TTC7B: variants seen among roughly 807,000 people sequenced by gnomAD.
TTC7B encodes the protein tetratricopeptide repeat domain 7B.
Under a neutral mutation model 106.8 loss-of-function variants are expected in TTC7B, and 28 were observed. The observed-to-expected ratio is 0.26, with a 90% CI of 0.19 to 0.36. TTC7B has a LOEUF of 0.36. Ranked by LOEUF, TTC7B falls within the 10% of genes least tolerant of loss-of-function variation. The probability of loss-of-function intolerance (pLI) is 1.00; values close to 1 mark genes in which losing one functional copy is unlikely to be tolerated. For missense variants in TTC7B, 862 were observed against 1,076.4 expected (o/e 0.80, Z 2.79); for synonymous variants, 405 against 430.6 (o/e 0.94, Z 0.74).
chr14:90,577,955 C>T lies in TTC7B; in HGVS notation c.2310+151G>A. 1 of 959,678 alleles carries T rather than the reference C, an allele frequency of 1.0e-6. No individual in the cohort carries two copies. Among genetic ancestry groups the T allele is most frequent in the South Asian group, 1.6e-5 (1 of 61,528 alleles). The allele number at this position is 959,678 out of a possible 1,614,324, so 59.4% of individuals were successfully genotyped here. ...TGCATAAACTATGGTAGAAACGGTG[C>T]CCTCTGGCTTCAGGCCATGTGACAG... On this transcript the variant is annotated intron_variant, in intron 19 of 19. Transcript: ENST00000328459. The surrounding 1 kb of genome is among the most constrained non-coding windows in gnomAD (Gnocchi z 5.0).
At position 90,578,365 on chromosome 14, in the gene TTC7B, G is replaced by T; in HGVS notation, c.2108-57C>A. 1 of 1,545,378 alleles carries T rather than the reference G, an allele frequency of 6.5e-7. No individual in the cohort carries two copies. The highest frequency in any genetic ancestry group is 8.8e-7 in the Non-Finnish European group (1 of 1,132,288). On this transcript the variant is annotated intron_variant, in intron 18 of 19. Coordinates refer to ENST00000328459, the MANE Select transcript of TTC7B (RefSeq NM_001010854.2). The surrounding 1 kb of genome is among the most constrained non-coding windows in gnomAD (Gnocchi z 4.7). ...CTGGTGCCCCTCTGAGGCCCTGCGA[G>T]CAGCCACCACTCTGATGTTCGTGTT... is the stretch of plus-strand genomic sequence containing the variant.
intron 19 of TTC7B, among the ~76,000 whole-genome samples, chr14:90,572,945 A>G (rs770052421): frequency 1.3e-5 from 2 of 151,594 alleles, no homozygotes; most frequent in Non-Finnish European, 2.9e-5. Context: ...CCTCAGCCCA[A>G]CCCCTAGCCA....
intron 9 of TTC7B, among the ~76,000 whole-genome samples, chr14:90,659,232 A>T (rs74081266): frequency 0.054 from 6,888 of 128,456 alleles, 467 homozygotes; most frequent in African/African-American, 0.18. Context: ...TGTGTGTGTG[A>T]GAGAGAGAGA....
intron 5 of TTC7B, among the ~76,000 whole-genome samples, chr14:90,697,076 G>T (rs1887782504): frequency 6.6e-6 from 1 of 152,170 alleles, no homozygotes; most frequent in South Asian, 2.1e-4. Context: ...ACTCCTACTG[G>T]GTACAGAAGG....
At chr14:90,717,937 C>G (rs577620223) in intron 5 of TTC7B, among the ~76,000 whole-genome samples, 5 of 152,338 alleles carry the variant, frequency 3.3e-5, no homozygotes, top group Admixed American at 2.0e-4. Flanking sequence ...ATTACCAAGA[C>G]AGCTCCCCAC....
chr14:90,600,330 C>T lies in TTC7B; in HGVS notation c.1967-6704G>A, dbSNP rs1396024800. Among the ~76,000 whole-genome samples the T allele has an allele frequency of 6.6e-6, 1 of 152,238 alleles. No homozygotes were observed. The highest frequency in any genetic ancestry group is 1.5e-5 in the Non-Finnish European group (1 of 68,050). On this transcript the variant is annotated intron_variant, in intron 17 of 19. Transcript: ENST00000328459. This position sits in a 1 kb window ranked among gnomAD's most constrained non-coding sequence, Gnocchi z 4.3. ...TGCACCGCGCTGTCACAGCTCTCCT[C>T]TCCATCTGCTGCTTCCCTGGGAGCT...
chr14:90,561,170 T>A (rs1379822272), intron 19 of TTC7B, among the ~76,000 whole-genome samples: 1 of 152,186 alleles, frequency 6.6e-6, no homozygotes, highest in African/African-American at 2.4e-5. Context: ...GTGGGCATGC[T>A]CCGCTCCTCT....
At chr14:90,636,184 G>T (rs1373636262) in intron 15 of TTC7B, among the ~76,000 whole-genome samples, 1 of 151,502 alleles carries the variant, frequency 6.6e-6, no homozygotes, top group African/African-American at 2.4e-5. Flanking sequence ...ATGTGTATAT[G>T]TATACATGTG....
intron 19 of TTC7B, among the ~76,000 whole-genome samples, chr14:90,554,382 C>A (rs1187937247): frequency 2.0e-5 from 3 of 152,204 alleles, no homozygotes; most frequent in Non-Finnish European, 2.9e-5. Context: ...AGTGTCCTGC[C>A]AAGAGCACGG....
At chr14:90,652,606 CTT>C (rs1885775196) in intron 13 of TTC7B, among the ~76,000 whole-genome samples, 1 of 151,986 alleles carries the variant, frequency 6.6e-6, no homozygotes, top group Admixed American at 6.6e-5. Flanking sequence ...GCTGAAATCA[CTT>C]TATTAGGAAT....
chr14:90,750,509 T>G (rs1032889922), intron 3 of TTC7B, among the ~76,000 whole-genome samples: 1 of 152,216 alleles, frequency 6.6e-6, no homozygotes, highest in Non-Finnish European at 1.5e-5. Flanking sequence ...ATCATGTTCT[T>G]AAAATACTTG....
chr14:90,657,455 C>T lies in TTC7B; in HGVS notation c.1237-177G>A. 1 of 566,248 alleles carries T rather than the reference C, an allele frequency of 1.8e-6. No homozygotes were observed. Among genetic ancestry groups the T allele is most frequent in the Non-Finnish European group, 3.1e-6 (1 of 319,098 alleles). 35.1% of individuals were successfully genotyped at this position (566,248 alleles called of 1,614,324 possible). A position where few individuals can be genotyped will look rare whatever the true frequency, so the allele number is the denominator to read the frequency against. ...ACCAGAGCCTGCGGCTTCTGAGTGACTGGGGAGTACACTGGGTTAAAAGCC... is the reference window on the plus strand; with the variant it reads ...ACCAGAGCCTGCGGCTTCTGAGTGATTGGGGAGTACACTGGGTTAAAAGCC... On this transcript the variant is annotated intron_variant, in intron 10 of 19. Transcript: ENST00000328459. This position sits in a 1 kb window ranked among gnomAD's most constrained non-coding sequence, Gnocchi z 4.2.
intron 1 of TTC7B, among the ~76,000 whole-genome samples, chr14:90,791,031 C>T (rs11628420): frequency 0.65 from 98,626 of 151,744 alleles, 35,789 homozygotes; most frequent in Non-Finnish European, 0.8. Flanking sequence ...CAATGCTTCC[C>T]GCTCCTGACC....
intron 1 of TTC7B, among the ~76,000 whole-genome samples, chr14:90,806,986 A>C (rs1057453130): frequency 6.6e-6 from 1 of 152,150 alleles, no homozygotes; most frequent in African/African-American, 2.4e-5. Context: ...GACAGAACCG[A>C]GATCTGAACC....
chr14:90,633,969 G>A (rs574322488), intron 15 of TTC7B, among the ~76,000 whole-genome samples: 17 of 152,126 alleles, frequency 1.1e-4, no homozygotes, highest in African/African-American at 3.6e-4. Flanking sequence ...CCGCCTCCCA[G>A]GTTCAAGTGA....
chr14:90,717,620 T>C (rs564068818), intron 5 of TTC7B, among the ~76,000 whole-genome samples: 6 of 152,284 alleles, frequency 3.9e-5, no homozygotes, highest in African/African-American at 1.4e-4. Flanking sequence ...TCTCTGCAAT[T>C]TTCTCTAACA....
chr14:90,524,595 AAAAG>A lies in TTC7B; in HGVS notation c.*16769_*16772del, dbSNP rs1165196876. On this transcript the variant is annotated 3_prime_UTR_variant, in exon 20 of 20. Transcript: ENST00000328459. ...CATGCATTTTTTTATTCAGGAAGAAAAAAGAAAGGGACCTCCCCACTCTTCTCCC... is the reference window on the plus strand; with the variant it reads ...CATGCATTTTTTTATTCAGGAAGAAAAAAGGGACCTCCCCACTCTTCTCCC... 1.3e-5 allele frequency: 2 copies of A among 152,256 alleles called. No individual in the cohort carries two copies. The highest frequency in any genetic ancestry group is 3.9e-4 in the East Asian group (2 of 5,186). 9.4% of individuals were successfully genotyped at this position (152,256 alleles called of 1,614,324 possible).
intron 13 of TTC7B, among the ~76,000 whole-genome samples, chr14:90,651,824 G>A (rs1639755189): frequency 6.6e-6 from 1 of 152,140 alleles, no homozygotes; most frequent in Admixed American, 6.5e-5. Context: ...ATGATTTCAT[G>A]AAAAAAGGCA....
intron 1 of TTC7B, among the ~76,000 whole-genome samples, chr14:90,800,200 A>AAT (rs2030170397): frequency 6.6e-6 from 1 of 152,154 alleles, no homozygotes; most frequent in Non-Finnish European, 1.5e-5. Context: ...GGCTGGAGGC[A>AAT]AGGCTACAAA....
Sources: allele counts gnomAD v4.1 joint callset (sites outside exome capture counted in the v4.1 genomes callset), GRCh38; gene constraint gnomAD v4.1.1; non-coding constraint Gnocchi (gnomAD v3.1); transcripts MANE v1.5; gene names NCBI Gene and HGNC (gene_info 2026-07-23, HGNC 2026-07-21).